The following SRCAP variants were observed in gnomAD, a reference collection of about 807,000 sequenced individuals.
SRCAP encodes the protein Snf2 related CREBBP activator protein, also known as chromatin remodeling protein SRCAP.
A neutral mutation model predicts 263.1 loss-of-function variants in SRCAP; 46 were observed. That is an observed-to-expected ratio of 0.17 (90% confidence interval 0.14 to 0.22). The LOEUF (loss-of-function observed/expected upper bound fraction) is 0.22, where lower values mean the gene tolerates loss of function less well. Among genes scored for constraint, SRCAP ranks in the 10% least tolerant of loss-of-function variants. SRCAP has a pLI of 1.00. For synonymous variants in SRCAP, 1,813 were observed against 1,662.1 expected (o/e 1.09, Z -2.21); for missense variants, 3,695 against 4,181.9 (o/e 0.88, Z 3.21).
In SRCAP at chr16:30,729,417, A is replaced by T. The variant is rs369063456; in HGVS notation, c.5972A>T (p.His1991Leu). 8 of 1,613,928 alleles carry T rather than the reference A, an allele frequency of 5.0e-6. No individual in the cohort carries two copies. In the African/African-American group the frequency reaches 8.0e-5, roughly 16 times the overall value. Residue 1991 changes from histidine to leucine, a missense_variant, in exon 27 of 34, where the codon CAT becomes CTT. This residue lies in a region of SRCAP where 1,347 missense variants were observed against 1,304.4 expected (regional missense o/e 1.03). Transcript: ENST00000262518. ...PPVEAPPPSL[H>L]ACHPPPWLAP... ...GTGGAGGCACCTCCCCCTTCCCTGC[A>T]TGCCTGCCACCCACCTCCTTGGCTG...
In SRCAP at chr16:30,724,853, C is replaced by T; in HGVS notation, c.5429C>T (p.Pro1810Leu). The T allele has an allele frequency of 1.2e-6, 2 of 1,614,152 alleles. No homozygotes were observed. The highest frequency in any genetic ancestry group is 1.7e-6 in the Non-Finnish European group (2 of 1,179,974). Residue 1810 changes from proline to leucine, a missense_variant, in exon 25 of 34, where the codon CCA (proline) becomes CTA (leucine). This residue lies in a region of SRCAP where 1,347 missense variants were observed against 1,304.4 expected (regional missense o/e 1.03). Transcript: ENST00000262518. ...GCAGCTCAGACCTTGGCGCTGGCCC[C>T]AGCCTCCACACAGTCCCCAGCTTCC... ...PAAAQTLALA[P>L]ASTQSPASQA...
intron 3 of SRCAP, among the ~76,000 whole-genome samples, chr16:30,702,818 C>T (rs972976356): frequency 2.0e-5 from 3 of 151,382 alleles, no homozygotes; most frequent in Non-Finnish European, 4.4e-5. Context: ...GTTGGTCAGG[C>T]TGGTCTGGAA....
rs2053043340 is a variant in SRCAP at position 30,724,500 on chromosome 16, A to G, written c.5076A>G (p.Gly1692=). ...ALAPALAPTL[G]GSSPSQTLSL... is the part of the protein sequence containing the mutation. ...CCCCAGCTTTAGCACCCACTCTTGG[A>G]GGCTCATCTCCATCTCAGACACTCT... is the stretch of plus-strand genomic sequence containing the variant. The change falls in exon 25 of 34, where the codon GGA becomes GGG. Residue 1692 remains glycine (G), a synonymous_variant. Transcript: ENST00000262518. The G allele has an allele frequency of 6.2e-7, 1 of 1,613,880 alleles. No homozygotes were observed. The highest frequency in any genetic ancestry group is 1.3e-5 in the African/African-American group (1 of 74,866).
intron 6 of SRCAP, among the ~76,000 whole-genome samples, chr16:30,707,998 C>CA (rs1482279597): frequency 3.9e-5 from 6 of 152,206 alleles, no homozygotes; most frequent in Non-Finnish European, 8.8e-5. Context: ...TAAATTCCGT[C>CA]AAAGTTCCCA....
chr16:30,714,494 C>T (rs964551669), intron 16 of SRCAP, among the ~76,000 whole-genome samples: 4 of 113,724 alleles, frequency 3.5e-5, no homozygotes, highest in African/African-American at 1.3e-4. Flanking sequence ...AAGGTGTGAG[C>T]CACCGTGCCG....
In SRCAP at chr16:30,734,562, C is replaced by G; in HGVS notation, c.6676C>G (p.Pro2226Ala). The G allele has an allele frequency of 1.9e-6, 3 of 1,613,792 alleles. No individual in the cohort carries two copies. The highest frequency in any genetic ancestry group is 2.5e-6 in the Non-Finnish European group (3 of 1,179,968). The change falls in exon 31 of 34, where the codon CCT becomes GCT. Residue 2226 changes from proline to alanine, a missense_variant. This residue lies in a region of SRCAP where 53 missense variants were observed against 45.6 expected (regional missense o/e 1.16). Coordinates refer to ENST00000262518, the MANE Select transcript of SRCAP (RefSeq NM_006662.3). ...EPSSSSVPSA[P>A]EEEEETVASK... ...TTCTAGCTCATCCGTGCCCTCTGCC[C>G]CTGAAGAGGAGGAAGAGACTGTGGC...
chr16:30,729,652 C>T, intron 27 of SRCAP, 80 bp downstream of exon 27: 3 of 1,520,186 alleles, frequency 2.0e-6, no homozygotes, highest in East Asian at 4.5e-5. Context: ...AGGGATGCTG[C>T]ACTTAAGTTC....
At chr16:30,700,271 C>T (rs1416723313) in intron 2 of SRCAP, among the ~76,000 whole-genome samples, 2 of 152,176 alleles carry the variant, frequency 1.3e-5, no homozygotes, top group Non-Finnish European at 2.9e-5. Context: ...TAACCTTCCG[C>T]AAATCATAAG....
rs139814474 is a variant in SRCAP at position 30,739,162 on chromosome 16, G to A, written c.9122G>A (p.Arg3041Gln). 153 of 1,613,934 alleles carry A rather than the reference G, an allele frequency of 9.5e-5. No homozygotes were observed. Among genetic ancestry groups the A allele is most frequent in the Non-Finnish European group, 1.2e-4 (143 of 1,180,014 alleles). The change falls in exon 34 of 34, where the codon CGA becomes CAA. Residue 3041 changes from arginine (R) to glutamine (Q), a missense_variant. Around this residue, in one of 12 missense-constraint regions of SRCAP, gnomAD observed 1,207 missense variants for 1,142.9 expected, o/e 1.06. Coordinates refer to ENST00000262518, the MANE Select transcript of SRCAP (RefSeq NM_006662.3). ...SVLESCGLGR[R>Q]RQPQGQGESE... is the part of the protein sequence containing the mutation. ...CTCGAGAGCTGTGGATTGGGGAGGC[G>A]ACGGCAACCCCAGGGCCAAGGGGAG...
At chr16:30,701,310 T>C (rs1171669350) in intron 3 of SRCAP, 1 of 153,222 alleles carries the variant, frequency 6.5e-6, no homozygotes, top group Non-Finnish European at 1.5e-5. Context: ...ACAGTCAGCT[T>C]TCTATTTTAA....
In SRCAP at chr16:30,740,508, T is replaced by TC. The variant is rs985667060; in HGVS notation, c.*779dup. On this transcript the variant is annotated 3_prime_UTR_variant, in exon 34 of 34. Transcript: ENST00000262518. ...TCCAGTTGCTCCATCCCTTGGGCCCTCCCCTGCTCTTCATCTAGCCAAACT... is the reference window on the plus strand; with the variant it reads ...TCCAGTTGCTCCATCCCTTGGGCCCTCCCCCTGCTCTTCATCTAGCCAAACT... 11 of 152,426 alleles carry TC rather than the reference T, an allele frequency of 7.2e-5. No homozygotes were observed. The highest frequency in any genetic ancestry group is 3.9e-4 in the Admixed American group (6 of 15,296). 9.4% of individuals were successfully genotyped at this position (152,426 alleles called of 1,614,324 possible).
chr16:30,728,590 C>T (rs2053084304), intron 25 of SRCAP, among the ~76,000 whole-genome samples: 1 of 152,140 alleles, frequency 6.6e-6, no homozygotes, highest in Non-Finnish European at 1.5e-5. Flanking sequence ...AGGCTATAGT[C>T]CTGGAGTTGA....
In SRCAP at chr16:30,736,183, T is replaced by C; in HGVS notation, c.6730-17T>C. 3.7e-6 allele frequency: 6 copies of C among 1,613,264 alleles called. No homozygotes were observed. Among genetic ancestry groups the C allele is most frequent in the Non-Finnish European group, 5.1e-6 (6 of 1,179,880 alleles). ...TTGAAGTCTCATGTTTTCTTTTTCT[T>C]TTATACACCCTGGTAGGCATTGTGT... On this transcript the variant is annotated splice_polypyrimidine_tract_variant and intron_variant, in intron 31 of 33. Transcript: ENST00000262518.
In SRCAP at chr16:30,739,269, C is replaced by G. The variant is rs143133981; in HGVS notation, c.9229C>G (p.Arg3077Gly). Residue 3077 changes from arginine (R) to glycine (G), a missense_variant, in exon 34 of 34, where the codon CGA becomes GGA. By Grantham distance (125) the Arg-to-Gly change is moderately radical. This residue lies in a region of SRCAP where 1,207 missense variants were observed against 1,142.9 expected (regional missense o/e 1.06). Transcript: ENST00000262518. ...ARLRLEAEGM[R>G]GRKSGGSMVV... is the part of the protein sequence containing the mutation. ...CCTTCGGCTTGAAGCAGAAGGAATGCGAGGACGGAAGAGTGGAGGGTCCAT... is the reference window on the plus strand; with the variant it reads ...CCTTCGGCTTGAAGCAGAAGGAATGGGAGGACGGAAGAGTGGAGGGTCCAT... 2.5e-6 allele frequency: 4 copies of G among 1,613,936 alleles called. No homozygotes were observed. The highest frequency in any genetic ancestry group is 4.5e-5 in the East Asian group (2 of 44,882).
At chr16:30,718,408 C>G (rs2052974673) in intron 18 of SRCAP, among the ~76,000 whole-genome samples, 1 of 151,418 alleles carries the variant, frequency 6.6e-6, no homozygotes, top group African/African-American at 2.4e-5. Context: ...AAATCCTGAC[C>G]TCAGGTGATC....
chr16:30,724,238 C>T lies in SRCAP; in HGVS notation c.4814C>T (p.Pro1605Leu), dbSNP rs1204490992. The T allele has an allele frequency of 3.7e-6, 6 of 1,614,168 alleles. No homozygotes were observed. The change falls in exon 25 of 34, where the codon CCT becomes CTT. Residue 1605 changes from proline to leucine, a missense_variant. By Grantham distance (98) the Pro-to-Leu change is moderately conservative. Coordinates refer to ENST00000262518, the MANE Select transcript of SRCAP (RefSeq NM_006662.3). ...ATTCTGGCTCCTTCTCCAGCTCCTC[C>T]TCTGGCTCCTCTTCCGGTCCTGGCA... ...TAILAPSPAP[P>L]LAPLPVLAPS... is the part of the protein sequence containing the mutation.
chr16:30,709,279 A>T lies in SRCAP; in HGVS notation c.634-234A>T, dbSNP rs531544226. On this transcript the variant is annotated intron_variant, in intron 6 of 33. Coordinates refer to ENST00000262518, the MANE Select transcript of SRCAP (RefSeq NM_006662.3). ...ATCTCATCTCTTTAAAAAAAAAAAAAAATCCAGCTTCAGATTGCAAACCTT... is the reference window on the plus strand; with the variant it reads ...ATCTCATCTCTTTAAAAAAAAAAAATAATCCAGCTTCAGATTGCAAACCTT... 8.5e-5 allele frequency among the ~76,000 whole-genome samples: 13 copies of T among 152,180 alleles called. No individual in the cohort carries two copies. In the East Asian group the frequency reaches 2.5e-3, roughly 29 times the overall value.
rs2053005395 is a variant in SRCAP, at chr16:30,720,936, C to T, written c.3211C>T (p.Leu1071Phe). The T allele has an allele frequency of 6.2e-7, 1 of 1,613,290 alleles. No individual in the cohort carries two copies. The highest frequency in any genetic ancestry group is 1.7e-5 in the Admixed American group (1 of 59,948). ...TGCATCTCGGCCTCCTGGCCCTGTC[C>T]TCTTGCCTCCACTGCAGCCCAACAG... ...IPASRPPGPVLLPPLQPNSGS... is the reference protein window; with the variant it reads ...IPASRPPGPVFLPPLQPNSGS... Residue 1071 changes from leucine to phenylalanine, a missense_variant, in exon 20 of 34, where the codon CTC becomes TTC. By Grantham distance (22) the Leu-to-Phe change is conservative. Transcript: ENST00000262518.
chr16:30,710,568 T>TG (rs1490332974), intron 8 of SRCAP, 186 bp from the exon 9 acceptor site: 1 of 790,544 alleles, frequency 1.3e-6, no homozygotes, highest in Non-Finnish European at 2.3e-6. Flanking sequence ...CCCCAGGCAG[T>TG]GGGGCCAGGA....
Sources: allele counts gnomAD v4.1 joint callset (sites outside exome capture counted in the v4.1 genomes callset), GRCh38; gene constraint gnomAD v4.1.1; regional missense constraint gnomAD v4.1.1; transcripts MANE v1.5; gene names NCBI Gene and HGNC (gene_info 2026-07-23, HGNC 2026-07-21).